The following PIAS4 variants were observed in gnomAD, a reference collection of about 807,000 sequenced individuals.
The protein encoded by PIAS4 is E3 SUMO-protein ligase PIAS4.
A neutral mutation model predicts 58.0 loss-of-function variants in PIAS4; 7 were observed. The observed-to-expected ratio is 0.12, with a 90% CI of 0.07 to 0.23. The LOEUF is 0.23. Ranked by LOEUF, PIAS4 falls within the 10% of genes least tolerant of loss-of-function variation. The pLI is 1.00. For synonymous variants in PIAS4, 364 were observed against 312.4 expected (o/e 1.17, Z -1.74); for missense variants, 550 against 709.5 (o/e 0.78, Z 2.55).
rs532720362 is a variant in PIAS4 at position 4,014,605 on chromosome 19, G to C, written c.454+1256G>C. On this transcript the variant is annotated intron_variant, in intron 2 of 10. Transcript: ENST00000262971. ...CACAGTAAACATCGGAGCGCCTGCT[G>C]GGTGGGTGCGTGATGGGCACCAGGC... 2.4e-4 allele frequency among the ~76,000 whole-genome samples: 37 copies of C among 152,330 alleles called. 1 individual carries two copies. The South Asian group carries it at 5.0e-3, about 20-fold the overall frequency.
rs555708917 is a variant in PIAS4, at chr19:4,031,411, G to A, written c.908-1689G>A. Among the ~76,000 whole-genome samples the A allele has an allele frequency of 5.3e-5, 8 of 152,344 alleles. No individual in the cohort carries two copies. The South Asian group carries it at 1.5e-3, about 28-fold the overall frequency. On this transcript the variant is annotated intron_variant, in intron 7 of 10. Coordinates refer to ENST00000262971, the MANE Select transcript of PIAS4 (RefSeq NM_015897.4). ...GCCAGCCTCCTCCAGGCTCGGGGAT[G>A]GAGGGCCTGGCTATGTACCCGTGTG...
In PIAS4 at chr19:4,029,042, C is replaced by G. The variant is rs186434405; in HGVS notation, c.907+6C>G. The G allele has an allele frequency of 0.013, 20,815 of 1,586,734 alleles. 180 individuals are homozygous for G. Among genetic ancestry groups the G allele is most frequent in the Non-Finnish European group, 0.016 (18,422 of 1,164,326 alleles). On this transcript the variant is annotated splice_donor_region_variant and intron_variant, in intron 7 of 10. Coordinates refer to ENST00000262971, the MANE Select transcript of PIAS4 (RefSeq NM_015897.4). Reference sequence around the variant, plus strand: ...GGAGCTGTGCAAGGCACTGGGTGAGCAGCTCAGGCCACCTCGGCCGAGGGG... The same window carrying G: ...GGAGCTGTGCAAGGCACTGGGTGAGGAGCTCAGGCCACCTCGGCCGAGGGG...
chr19:4,025,039 C>T (rs560270682), intron 3 of PIAS4, among the ~76,000 whole-genome samples: 4 of 152,362 alleles, frequency 2.6e-5, no homozygotes, highest in South Asian at 4.1e-4. Context: ...GCTGGGATTA[C>T]AGGCGTGAGC....
intron 7 of PIAS4, among the ~76,000 whole-genome samples, chr19:4,031,329 C>T (rs1222916523): frequency 6.6e-6 from 1 of 152,208 alleles, no homozygotes; most frequent in East Asian, 1.9e-4. Context: ...GCAGCACCCC[C>T]TCTGCAGAGC....
chr19:4,011,663 TGGAGGTGTGG>T (rs2039993891), intron 1 of PIAS4, among the ~76,000 whole-genome samples: 2 of 135,694 alleles, frequency 1.5e-5, no homozygotes, highest in African/African-American at 2.9e-5. Context: ...GTGTTTGGTG[TGGAGGTGTGG>T]GGGGTGTGGA....
Position 4,033,067 on chromosome 19 carries a change from C to T in PIAS4, c.908-33C>T, listed in dbSNP as rs374858470. On this transcript the variant is annotated intron_variant, in intron 7 of 10. Coordinates refer to ENST00000262971, the MANE Select transcript of PIAS4 (RefSeq NM_015897.4). ...AGCCCCGCGCCCTGCTGTTCCCACC[C>T]TCCTGACGGTGTCTTCCGTTCCCTC... 1.6e-5 allele frequency: 25 copies of T among 1,588,720 alleles called. No homozygotes were observed. In the African/African-American group the frequency reaches 2.0e-4, roughly 13 times the overall value.
At chr19:4,033,032 C>G in intron 7 of PIAS4, 68 bp from the exon 8 acceptor site, 2 of 1,293,750 alleles carry the variant, frequency 1.5e-6, no homozygotes, top group South Asian at 2.4e-5. Context: ...CCGGAGAGAA[C>G]TCGAATCACA....
In PIAS4 at chr19:4,032,044, C is replaced by T. The variant is rs527514472; in HGVS notation, c.908-1056C>T. ...GCACGTGGCTGCCACCACGTCCCCA[C>T]GGGAGAAGGAAGAGCCCACTGCTCC... On this transcript the variant is annotated intron_variant, in intron 7 of 10. Transcript: ENST00000262971. Among the ~76,000 whole-genome samples, 32 of 152,208 alleles carry T rather than the reference C, an allele frequency of 2.1e-4. No individual in the cohort carries two copies. The South Asian group carries it at 6.6e-3, about 32-fold the overall frequency.
At chr19:4,035,826 A>G (rs2040270424) in intron 9 of PIAS4, among the ~76,000 whole-genome samples, 1 of 152,182 alleles carries the variant, frequency 6.6e-6, no homozygotes, top group African/African-American at 2.4e-5. Context: ...TACAGTCCAC[A>G]CCATCACACA....
chr19:4,028,215 G>A (rs1568217996), intron 4 of PIAS4, 28 bp downstream of exon 4: 1 of 1,603,682 alleles, frequency 6.2e-7, no homozygotes, highest in Non-Finnish European at 8.5e-7. Flanking sequence ...CGCGACCCCA[G>A]GGCTGGACCC....
chr19:4,028,425 C>G, intron 4 of PIAS4, 85 bp from the exon 5 acceptor site: 1 of 1,041,256 alleles, frequency 9.6e-7, no homozygotes, highest in Non-Finnish European at 1.4e-6. Flanking sequence ...TCACTGCCGC[C>G]TGGCTACCAC....
intron 2 of PIAS4, among the ~76,000 whole-genome samples, chr19:4,015,195 C>G (rs1409526115): frequency 1.3e-5 from 2 of 152,204 alleles, no homozygotes; most frequent in Non-Finnish European, 2.9e-5. Context: ...TTGGGCAGAG[C>G]TGGCTGTCTC....
rs375573896 is a variant in PIAS4, at chr19:4,037,838, G to A, written c.1496G>A (p.Arg499His). 1.5e-5 allele frequency: 23 copies of A among 1,568,342 alleles called. No homozygotes were observed. The highest frequency in any genetic ancestry group is 1.7e-5 in the Non-Finnish European group (20 of 1,158,806). Residue 499 changes from arginine to histidine, a missense_variant, in exon 11 of 11, where the codon CGC (arginine) becomes CAC (histidine). Transcript: ENST00000262971. The surrounding 1 kb of genome is among the most constrained non-coding windows in gnomAD (Gnocchi z 5.8). ...GAAGAGGGGCCCCGGCCCAAGCGCC[G>A]CTGCCCCTTCCAGAAGGGCCTGGTG... ...EDEEGPRPKRRCPFQKGLVPA... is the reference protein window; with the variant it reads ...EDEEGPRPKRHCPFQKGLVPA...
intron 3 of PIAS4, among the ~76,000 whole-genome samples, chr19:4,027,559 C>T (rs1289739975): frequency 7.0e-6 from 1 of 143,518 alleles, no homozygotes; most frequent in African/African-American, 2.5e-5. Flanking sequence ...TCAGGTGTTA[C>T]TGGTTTTTGT....
intron 2 of PIAS4, chr19:4,018,455 T>TC (rs2040073937): frequency 6.6e-6 from 1 of 152,168 alleles, no homozygotes; most frequent in African/African-American, 2.4e-5. Context: ...GGCTCTCGGA[T>TC]CGGGCCCAGG....
rs1347481240 is a variant in PIAS4 at position 4,037,403 on chromosome 19, A to T, written c.1172A>T (p.Glu391Val). Residue 391 changes from glutamate to valine, a missense_variant, in exon 10 of 11, where the codon GAG becomes GTG. Glu to Val is a moderately radical substitution (Grantham distance 121). Transcript: ENST00000262971. The surrounding 1 kb of genome is among the most constrained non-coding windows in gnomAD (Gnocchi z 5.8). ...GLLSKILSEC[E>V]DADEIEYLVD... ...CTCTCGAAGATCCTGAGCGAGTGTG[A>T]GGACGCCGACGAGATCGAGTACCTG... 12 of 1,610,260 alleles carry T rather than the reference A, an allele frequency of 7.5e-6. No homozygotes were observed. The highest frequency in any genetic ancestry group is 9.3e-6 in the Non-Finnish European group (11 of 1,178,330).
chr19:4,029,619 C>T (rs1415297428), intron 7 of PIAS4, among the ~76,000 whole-genome samples: 2 of 151,158 alleles, frequency 1.3e-5, no homozygotes, highest in Non-Finnish European at 2.9e-5. Flanking sequence ...GAGACTGCAT[C>T]GCTGCACTCC....
intron 1 of PIAS4, among the ~76,000 whole-genome samples, chr19:4,008,190 G>A (rs1482246790): frequency 1.3e-5 from 2 of 152,086 alleles, no homozygotes; most frequent in Non-Finnish European, 2.9e-5. Flanking sequence ...TTTTTGGCTG[G>A]TGTGTTGGGG....
intron 7 of PIAS4, among the ~76,000 whole-genome samples, chr19:4,030,036 A>G (rs1819793977): frequency 6.6e-6 from 1 of 151,406 alleles, no homozygotes; most frequent in Non-Finnish European, 1.5e-5. Flanking sequence ...GTTAGCCAGG[A>G]TGGTCTTAAG....
Sources: allele counts gnomAD v4.1 joint callset (sites outside exome capture counted in the v4.1 genomes callset), GRCh38; gene constraint gnomAD v4.1.1; non-coding constraint Gnocchi (gnomAD v3.1); transcripts MANE v1.5; gene names NCBI Gene and HGNC (gene_info 2026-07-23, HGNC 2026-07-21).